The following TARS2 variants were observed in gnomAD, a reference collection of about 807,000 sequenced individuals.
The protein encoded by TARS2 is threonyl-tRNA synthetase 2, mitochondrial.
Under a neutral mutation model 94.4 loss-of-function variants are expected in TARS2, and 61 were observed. That is an observed-to-expected ratio of 0.65 (90% CI 0.53 to 0.80). The LOEUF (loss-of-function observed/expected upper bound fraction) is 0.80, where lower values mean the gene tolerates loss of function less well. TARS2 is among the 30% of genes least tolerant of loss of function. The probability of loss-of-function intolerance (pLI) is 0.00; values close to 1 mark genes in which losing one functional copy is unlikely to be tolerated. For missense variants in TARS2, 704 were observed against 902.5 expected, an observed-to-expected ratio of 0.78 and a Z score of 2.82; for synonymous variants, 359 against 353.4, an observed-to-expected ratio of 1.02 and a Z score of -0.18.
At chr1:150,504,001 T>C (rs1670084761) in intron 13 of TARS2, among the ~76,000 whole-genome samples, 1 of 150,828 alleles carries the variant, frequency 6.6e-6, no homozygotes, top group Non-Finnish European at 1.5e-5. Context: ...GGTACAGCCA[T>C]TGGGGGAGAT....
At chr1:150,497,163 T>C (rs1669700256) in intron 9 of TARS2, among the ~76,000 whole-genome samples, 2 of 152,112 alleles carry the variant, frequency 1.3e-5, no homozygotes, top group African/African-American at 4.8e-5. Flanking sequence ...GCAGCGCCTG[T>C]AGTCCCAGCT....
Position 150,487,485 on chromosome 1 carries a change from T to C in TARS2, c.35T>C (p.Leu12Pro). The C allele has an allele frequency of 1.9e-6, 3 of 1,614,204 alleles. No homozygotes were observed. In the South Asian group the frequency reaches 3.3e-5, roughly 18 times the overall value. ...ALYQRWRCLR[L>P]QGLQACRLHT... ...TATCAGAGGTGGCGGTGTCTCCGGCTCCAAGGTTTACAGGCTTGCAGGCTA... is the reference window on the plus strand; with the variant it reads ...TATCAGAGGTGGCGGTGTCTCCGGCCCCAAGGTTTACAGGCTTGCAGGCTA... Residue 12 changes from leucine (L) to proline (P), a missense_variant, in exon 1 of 18, where the codon CTC becomes CCC. Around this residue, in one of 3 missense-constraint regions of TARS2, gnomAD observed 208 missense variants for 228.5 expected, o/e 0.91. Transcript: ENST00000369064.
intron 7 of TARS2, among the ~76,000 whole-genome samples, chr1:150,494,775 C>T (rs182710995): frequency 2.0e-5 from 3 of 152,092 alleles, no homozygotes; most frequent in Non-Finnish European, 4.4e-5. Context: ...TGGTGGCTCA[C>T]GCCTGTAATC....
At chr1:150,501,137 G>A (rs375885085) in intron 13 of TARS2, among the ~76,000 whole-genome samples, 9 of 151,608 alleles carry the variant, frequency 5.9e-5, no homozygotes, top group African/African-American at 2.2e-4. Flanking sequence ...TGTCAGTGAG[G>A]GGGCTGAAGA....
intron 7 of TARS2, among the ~76,000 whole-genome samples, chr1:150,495,114 A>G (rs1371246094): frequency 1.3e-5 from 2 of 150,340 alleles, no homozygotes; most frequent in Non-Finnish European, 3.0e-5. Context: ...TGGGGGGTGG[A>G]GCCTGCAGTG....
In TARS2 at chr1:150,492,469, G is replaced by A; in HGVS notation, c.754G>A (p.Gly252Arg). 1 of 1,613,888 alleles carries A rather than the reference G, an allele frequency of 6.2e-7. No homozygotes were observed. Among genetic ancestry groups the A allele is most frequent in the Non-Finnish European group, 8.5e-7 (1 of 1,179,918 alleles). Residue 252 changes from glycine (G) to arginine (R), a missense_variant, in exon 7 of 18, where the codon GGA becomes AGA. Physicochemically the swap from Gly to Arg is moderately radical, Grantham distance 125. Coordinates refer to ENST00000369064, the MANE Select transcript of TARS2 (RefSeq NM_025150.5). ...GPHLRHTGQI[G>R]GLKLLSNSSS... ...CCACCTTCGGCATACTGGACAGATT[G>A]GAGGACTGAAGCTGCTATCGGTCAG...
Position 150,507,156 on chromosome 1 carries a change from A to G in TARS2, c.*92A>G. On this transcript the variant is annotated 3_prime_UTR_variant, in exon 18 of 18. Transcript: ENST00000369064. ...ACCCAGCTGACAATGTGGAGCCCCC[A>G]GAACTTCAGAACTGTGTGGAGGCAC... 6.6e-7 allele frequency: 1 copy of G among 1,524,224 alleles called. No individual in the cohort carries two copies. Among genetic ancestry groups the G allele is most frequent in the African/African-American group, 1.4e-5 (1 of 72,858 alleles). 94.4% of individuals were successfully genotyped at this position (1,524,224 alleles called of 1,614,324 possible). A position where few individuals can be genotyped will look rare whatever the true frequency, so the allele number is the denominator to read the frequency against.
chr1:150,506,523 C>A (rs1670223687), intron 17 of TARS2, among the ~76,000 whole-genome samples: 1 of 142,560 alleles, frequency 7.0e-6, no homozygotes, highest in Non-Finnish European at 1.5e-5. Context: ...CACAGTTTCT[C>A]TCTGTGGGGT....
chr1:150,490,638 C>T lies in TARS2; in HGVS notation c.425C>T (p.Ala142Val). The T allele has an allele frequency of 6.2e-7, 1 of 1,613,974 alleles. No homozygotes were observed. Among genetic ancestry groups the T allele is most frequent in the Non-Finnish European group, 8.5e-7 (1 of 1,179,996 alleles). ...TCCAGCACCCATGTCCTGGGGGCAG[C>T]AGCTGAACAATTCCTAGGTGCTGTT... ...WHSSTHVLGAAAEQFLGAVLC... is the reference protein window; with the variant it reads ...WHSSTHVLGAVAEQFLGAVLC... Residue 142 changes from alanine (A) to valine (V), a missense_variant, in exon 4 of 18, where the codon GCA becomes GTA. Ala to Val is a moderately conservative substitution (Grantham distance 64). Transcript: ENST00000369064.
chr1:150,496,781 T>A, intron 8 of TARS2, 29 bp from the exon 9 acceptor site: 1 of 1,612,740 alleles, frequency 6.2e-7, no homozygotes, highest in South Asian at 1.1e-5. Flanking sequence ...GCCCTTGAGG[T>A]GACCCAATAT....
chr1:150,506,484 G>GCACACACACACACACA (rs777723888), intron 17 of TARS2, among the ~76,000 whole-genome samples: 1 of 93,444 alleles, frequency 1.1e-5, no homozygotes, highest in African/African-American at 4.0e-5. Context: ...AGACACGCGC[G>GCACACACACACACACA]CGCACACACA....
rs983180955 is a variant in TARS2 at position 150,487,467 on chromosome 1, G to A, written c.17G>A (p.Arg6Lys). 2.5e-6 allele frequency: 4 copies of A among 1,614,230 alleles called. No homozygotes were observed. The Admixed American group carries it at 5.0e-5, about 20-fold the overall frequency. Residue 6 changes from arginine (R) to lysine (K), a missense_variant, in exon 1 of 18, where the codon AGG becomes AAG. This residue lies in a region of TARS2 where 208 missense variants were observed against 228.5 expected (regional missense o/e 0.91). Transcript: ENST00000369064. Reference sequence around the variant, plus strand: ...TGAAGGAACATGGCCCTGTATCAGAGGTGGCGGTGTCTCCGGCTCCAAGGT... The same window carrying A: ...TGAAGGAACATGGCCCTGTATCAGAAGTGGCGGTGTCTCCGGCTCCAAGGT... MALYQ[R>K]WRCLRLQGLQ... is the part of the protein sequence containing the mutation.
chr1:150,501,216 T>C (rs756971348), intron 13 of TARS2, among the ~76,000 whole-genome samples: 1 of 149,718 alleles, frequency 6.7e-6, no homozygotes, highest in Non-Finnish European at 1.5e-5. Context: ...TGAGCTGAGA[T>C]GATCACTTGA....
chr1:150,490,532 A>G, intron 3 of TARS2, 69 bp from the exon 4 acceptor site: 1 of 1,534,672 alleles, frequency 6.5e-7, no homozygotes, highest in Non-Finnish European at 8.7e-7. Flanking sequence ...TTTTGTGAGG[A>G]AGAGCTCAGA....
rs1670271105 is a variant in TARS2, at chr1:150,507,256, A to T, written c.*192A>T. ...GGGAAGCTGTAGCTGTTTGGATGTG[A>T]GGAGAATGAAACTACAAAAAAAAAT... On this transcript the variant is annotated 3_prime_UTR_variant, in exon 18 of 18. Coordinates refer to ENST00000369064, the MANE Select transcript of TARS2 (RefSeq NM_025150.5). The T allele has an allele frequency of 1.4e-6, 1 of 702,292 alleles. No individual in the cohort carries two copies. The highest frequency in any genetic ancestry group is 3.1e-5 in the Admixed American group (1 of 32,292). 43.5% of individuals were successfully genotyped at this position (702,292 alleles called of 1,614,324 possible). A position where few individuals can be genotyped will look rare whatever the true frequency, so the allele number is the denominator to read the frequency against.
rs766560712 is a variant in TARS2 at position 150,504,899 on chromosome 1, C to T, written c.1821-7C>T. 1.1e-5 allele frequency: 18 copies of T among 1,614,118 alleles called. No individual in the cohort carries two copies. The East Asian group carries it at 3.8e-4, about 34-fold the overall frequency. ...TAATTTGCCATCACCTGTTCTTTCC[C>T]TACCAGGCCACTGTGGCTGTCCCCG... On this transcript the variant is annotated splice_polypyrimidine_tract_variant and splice_region_variant and intron_variant, in intron 15 of 17. Transcript: ENST00000369064.
Position 150,497,536 on chromosome 1 carries a change from T to C in TARS2, c.1027T>C (p.Tyr343His). 6.2e-7 allele frequency: 1 copy of C among 1,613,966 alleles called. No individual in the cohort carries two copies. The highest frequency in any genetic ancestry group is 8.5e-7 in the Non-Finnish European group (1 of 1,179,986). Residue 343 changes from tyrosine (Y) to histidine (H), a missense_variant, in exon 10 of 18, where the codon TAT (tyrosine) becomes CAT (histidine). Tyr to His is a moderately conservative substitution (Grantham distance 83). This residue lies in a region of TARS2 where 466 missense variants were observed against 609.5 expected (regional missense o/e 0.76). Transcript: ENST00000369064. The part of the protein sequence containing the change: ...NALVAFIRAE[Y>H]AHRGFSEVKT... The stretch of plus-strand genomic sequence containing the variant: ...TCTGTACCCTCCTCTCCAGGCTGAG[T>C]ATGCCCATCGTGGTTTCTCCGAGGT...
intron 8 of TARS2, 72 bp downstream of exon 8, chr1:150,496,700 A>T: frequency 6.3e-7 from 1 of 1,598,888 alleles, no homozygotes; most frequent in Non-Finnish European, 8.5e-7. Context: ...TGATTATGAA[A>T]TTGGGAGCAG....
Position 150,492,518 on chromosome 1 carries a change from A to T in TARS2, c.774+29A>T, listed in dbSNP as rs1669441218. Reference sequence around the variant, plus strand: ...AGTTGTGGGACAGAGTTAGGTTAAGATTCCTATTTTGAGCCGGGCATGGTG... The same window carrying T: ...AGTTGTGGGACAGAGTTAGGTTAAGTTTCCTATTTTGAGCCGGGCATGGTG... On this transcript the variant is annotated intron_variant, in intron 7 of 17. Coordinates refer to ENST00000369064, the MANE Select transcript of TARS2 (RefSeq NM_025150.5). 2.5e-6 allele frequency: 4 copies of T among 1,610,832 alleles called. No individual in the cohort carries two copies. In the South Asian group the frequency reaches 4.4e-5, roughly 18 times the overall value.
Sources: allele counts gnomAD v4.1 joint callset (sites outside exome capture counted in the v4.1 genomes callset), GRCh38; gene constraint gnomAD v4.1.1; regional missense constraint gnomAD v4.1.1; transcripts MANE v1.5; gene names NCBI Gene and HGNC (gene_info 2026-07-23, HGNC 2026-07-21).